Variants in KCNN4 observed in about 807,000 individuals in gnomAD.
The protein encoded by KCNN4 is potassium calcium-activated channel subfamily N member 4.
In KCNN4, 31 loss-of-function variants were observed where a neutral mutation model predicts 45.2. The ratio of observed to expected loss-of-function variants is 0.69; its 90% CI spans 0.52 to 0.92. The LOEUF (loss-of-function observed/expected upper bound fraction) is 0.92. Among genes scored for constraint, KCNN4 ranks in the 40% least tolerant of loss-of-function variants. KCNN4 has a pLI of 0.00. For synonymous variants in KCNN4, 231 were observed against 254.6 expected, an observed-to-expected ratio of 0.91 and a Z score of 0.88; for missense variants, 463 against 574.0, an observed-to-expected ratio of 0.81 and a Z score of 1.98.
intron 4 of KCNN4, among the ~76,000 whole-genome samples, chr19:43,771,599 G>A (rs944915384): frequency 1.3e-5 from 2 of 152,200 alleles, no homozygotes; most frequent in African/African-American, 4.8e-5. Flanking sequence ...GCGAAGTCAG[G>A]AGCCTGGGTC....
chr19:43,776,127 CAAAAAAAAAAAAA>C (rs59704354), intron 2 of KCNN4, among the ~76,000 whole-genome samples: 5 of 40,988 alleles, frequency 1.2e-4, no homozygotes, highest in East Asian at 1.0e-3. Context: ...GACCTTGTCT[CAAAAAAAAAAAAA>C]AAAAAAAAAA....
intron 2 of KCNN4, 70 bp downstream of exon 2, chr19:43,776,471 G>A: frequency 9.5e-7 from 1 of 1,048,250 alleles, no homozygotes; most frequent in South Asian, 1.3e-5. Context: ...GGAGGAGGGT[G>A]GAAAGTGTGA....
chr19:43,774,565 G>A lies in KCNN4; in HGVS notation c.310C>T (p.Gln104Ter), dbSNP rs756425565. The stretch of plus-strand genomic sequence containing the variant: ...AGCTCCAGCACGATCTGCGCCGCCT[G>A]CCGCCCGGTCAGCGCCACGCGCCAG... ...RDWRVALTGR[Q>*]AAQIVLELVV... Residue 104 changes from glutamine (Q) to a stop codon, truncating the protein, a stop_gained, in exon 3 of 9, where the codon CAG becomes TAG. Transcript: ENST00000648319. LOFTEE classifies it high-confidence loss of function. The surrounding 1 kb of genome is among the most constrained non-coding windows in gnomAD (Gnocchi z 5.6). The A allele has an allele frequency of 1.3e-6, 2 of 1,553,140 alleles. No individual in the cohort carries two copies.
chr19:43,769,646 G>T lies in KCNN4; in HGVS notation c.930+73C>A. Reference sequence around the variant, plus strand: ...CTAGGGCTGGGACTCTTGGGTCCTAGGGGAAGCAGGGGCGCCTGGACTCCT... The same window carrying T: ...CTAGGGCTGGGACTCTTGGGTCCTATGGGAAGCAGGGGCGCCTGGACTCCT... On this transcript the variant is annotated intron_variant, in intron 5 of 8. Coordinates refer to ENST00000648319, the MANE Select transcript of KCNN4 (RefSeq NM_002250.3). The surrounding 1 kb of genome is among the most constrained non-coding windows in gnomAD (Gnocchi z 4.4). The T allele has an allele frequency of 1.3e-6, 2 of 1,552,918 alleles. No homozygotes were observed.
rs757371451 is a variant in KCNN4 at position 43,767,579 on chromosome 19, C to T, written c.1248G>A (p.Pro416=). ...GCTGGCTGGGTTCTGGAAGCTGCCTCGGCCCCAGGGCAGTGCTAAGCAGCT... is the reference window on the plus strand; with the variant it reads ...GCTGGCTGGGTTCTGGAAGCTGCCTTGGCCCCAGGGCAGTGCTAAGCAGCT... The part of the protein sequence containing the change: ...LTELLSTALG[P]RQLPEPSQQS... Residue 416 remains proline, a synonymous_variant, in exon 8 of 9, where the codon CCG becomes CCA. Transcript: ENST00000648319. The T allele has an allele frequency of 9.3e-6, 15 of 1,613,936 alleles. No homozygotes were observed. The highest frequency in any genetic ancestry group is 3.3e-5 in the Admixed American group (2 of 59,994).
Position 43,767,718 on chromosome 19 carries a change from G to A in KCNN4, c.1120-11C>T, listed in dbSNP as rs751788732. 1 of 1,614,092 alleles carries A rather than the reference G, an allele frequency of 6.2e-7. No homozygotes were observed. Among genetic ancestry groups the A allele is most frequent in the Non-Finnish European group, 8.5e-7 (1 of 1,179,988 alleles). On this transcript the variant is annotated splice_polypyrimidine_tract_variant and intron_variant, in intron 7 of 8. Transcript: ENST00000648319. ...CAGGATCATGTGCATCTGGGTGGGA[G>A]GAGAGGATCAGAGGTGTCGGGGCTG...
chr19:43,769,158 G>T lies in KCNN4; in HGVS notation c.1050-126C>A. ...AACAAAGAAACAAAGTTGTCGAAGA[G>T]CTGAAAGAGTGGGAGGGGATGCACC... On this transcript the variant is annotated intron_variant, in intron 6 of 8. Transcript: ENST00000648319. The surrounding 1 kb of genome is among the most constrained non-coding windows in gnomAD (Gnocchi z 4.4). 2.7e-6 allele frequency: 3 copies of T among 1,101,246 alleles called. No homozygotes were observed. The highest frequency in any genetic ancestry group is 4.1e-6 in the Non-Finnish European group (3 of 731,266). The allele number at this position is 1,101,246 out of a possible 1,614,324, so 68.2% of individuals were successfully genotyped here. A position where few individuals can be genotyped will look rare whatever the true frequency, so the allele number is the denominator to read the frequency against.
intron 1 of KCNN4, among the ~76,000 whole-genome samples, chr19:43,780,082 T>C (rs1347221954): frequency 1.3e-5 from 2 of 151,892 alleles, no homozygotes; most frequent in South Asian, 2.1e-4. Context: ...TGGAAGAACT[T>C]TGTCTTTCCT....
At position 43,772,178 on chromosome 19, in the gene KCNN4, G is replaced by T; in HGVS notation, c.684-43C>A. ...TTAGTTCTAAAACCCCACCATAGAG[G>T]TTTCCATGATATTCACTCCCCTTCC... On this transcript the variant is annotated intron_variant, in intron 3 of 8. Transcript: ENST00000648319. This position sits in a 1 kb window ranked among gnomAD's most constrained non-coding sequence, Gnocchi z 4.4. 4 of 1,604,314 alleles carry T rather than the reference G, an allele frequency of 2.5e-6. No individual in the cohort carries two copies. Among genetic ancestry groups the T allele is most frequent in the Non-Finnish European group, 3.4e-6 (4 of 1,176,432 alleles).
Position 43,774,325 on chromosome 19 carries a change from C to A in KCNN4, c.550G>T (p.Ala184Ser). 6.2e-7 allele frequency: 1 copy of A among 1,611,464 alleles called. No individual in the cohort carries two copies. Among genetic ancestry groups the A allele is most frequent in the South Asian group, 1.1e-5 (1 of 90,632 alleles). Residue 184 changes from alanine (A) to serine (S), a missense_variant, in exon 3 of 9, where the codon GCT becomes TCT. Ala to Ser is a moderately conservative substitution (Grantham distance 99, BLOSUM62 1). This residue lies in a region of KCNN4 where 109 missense variants were observed against 183.7 expected (regional missense o/e 0.59). Transcript: ENST00000648319. The surrounding 1 kb of genome is among the most constrained non-coding windows in gnomAD (Gnocchi z 5.6). ...LLNASYRSIG[A>S]LNQVRFRHWF... is the part of the protein sequence containing the mutation. ...TGGCGGAAGCGGACTTGATTGAGAG[C>A]GCCGATGCTGCGGTAGGAAGCGTTG...
rs1969563241 is a variant in KCNN4, at chr19:43,769,173, G to A, written c.1050-141C>T. 1 of 945,056 alleles carries A rather than the reference G, an allele frequency of 1.1e-6. No individual in the cohort carries two copies. Among genetic ancestry groups the A allele is most frequent in the Admixed American group, 2.0e-5 (1 of 48,994 alleles). 58.5% of individuals were successfully genotyped at this position (945,056 alleles called of 1,614,324 possible). A position where few individuals can be genotyped will look rare whatever the true frequency, so the allele number is the denominator to read the frequency against. The stretch of plus-strand genomic sequence containing the variant: ...TTGTCGAAGAGCTGAAAGAGTGGGA[G>A]GGGATGCACCCTGCCTCCCCACGAG... On this transcript the variant is annotated intron_variant, in intron 6 of 8. Transcript: ENST00000648319. This position sits in a 1 kb window ranked among gnomAD's most constrained non-coding sequence, Gnocchi z 4.4.
Position 43,774,173 on chromosome 19 carries a change from A to ATGCC in KCNN4, c.683+15_683+18dup, listed in dbSNP as rs1297150294. Reference sequence around the variant, plus strand: ...GTCCGGGGTTCCCCCCTGCGCATTTATGCCTCCATCACCCTCACCTCTCGG... The same window carrying ATGCC: ...GTCCGGGGTTCCCCCCTGCGCATTTATGCCTGCCTCCATCACCCTCACCTCTCGG... On this transcript the variant is annotated intron_variant, in intron 3 of 8. Coordinates refer to ENST00000648319, the MANE Select transcript of KCNN4 (RefSeq NM_002250.3). This position sits in a 1 kb window ranked among gnomAD's most constrained non-coding sequence, Gnocchi z 5.6. 5 of 1,598,584 alleles carry ATGCC rather than the reference A, an allele frequency of 3.1e-6. No individual in the cohort carries two copies. The Admixed American group carries it at 8.4e-5, about 27-fold the overall frequency.
chr19:43,777,674 T>A (rs74325253), intron 1 of KCNN4, among the ~76,000 whole-genome samples: 1 of 105,424 alleles, frequency 9.5e-6, no homozygotes, highest in African/African-American at 3.2e-5. Context: ...AATTGTTCCT[T>A]TTTTTTTTTT....
chr19:43,767,493 A>T, intron 8 of KCNN4, 47 bp downstream of exon 8: 1 of 1,590,736 alleles, frequency 6.3e-7, no homozygotes, highest in Non-Finnish European at 8.6e-7. Flanking sequence ...TGGCCACAGG[A>T]ACCCTTCCTC....
At chr19:43,776,202 G>A in intron 2 of KCNN4, among the ~76,000 whole-genome samples, 1 of 151,718 alleles carries the variant, frequency 6.6e-6, no homozygotes, top group East Asian at 1.9e-4. Context: ...GACTGGATTG[G>A]GGATGCCATG....
Position 43,776,557 on chromosome 19 carries a change from T to C in KCNN4, c.239A>G (p.His80Arg). The C allele has an allele frequency of 6.2e-7, 1 of 1,613,168 alleles. No individual in the cohort carries two copies. The highest frequency in any genetic ancestry group is 8.5e-7 in the Non-Finnish European group (1 of 1,179,444). Reference sequence around the variant, plus strand: ...CTGCCCTACCTGGACCTCTTTGGCATGAAAGGCCACGATGAGGCAGAGGAG... The same window carrying C: ...CTGCCCTACCTGGACCTCTTTGGCACGAAAGGCCACGATGAGGCAGAGGAG... ...FLLLCLIVAF[H>R]AKEVQLFMTD... Residue 80 changes from histidine to arginine, a missense_variant, in exon 2 of 9, where the codon CAT becomes CGT. Around this residue, in one of 3 missense-constraint regions of KCNN4, gnomAD observed 225 missense variants for 240.9 expected, o/e 0.93. Transcript: ENST00000648319.
chr19:43,779,299 G>C (rs902019908), intron 1 of KCNN4, among the ~76,000 whole-genome samples: 6 of 152,166 alleles, frequency 3.9e-5, no homozygotes. Flanking sequence ...GTGCTTCGGC[G>C]TGGGAGCGGC....
intron 2 of KCNN4, 21 bp downstream of exon 2, chr19:43,776,520 T>C: frequency 6.4e-7 from 1 of 1,553,708 alleles, no homozygotes; most frequent in Non-Finnish European, 8.9e-7. Context: ...GAGCAAGGCT[T>C]AGGGGCGGGG....
In KCNN4 at chr19:43,769,365, G is replaced by T; in HGVS notation, c.1049+77C>A. 8.5e-7 allele frequency: 1 copy of T among 1,172,154 alleles called. No homozygotes were observed. Among genetic ancestry groups the T allele is most frequent in the Non-Finnish European group, 1.3e-6 (1 of 789,694 alleles). 72.6% of individuals were successfully genotyped at this position (1,172,154 alleles called of 1,614,324 possible). ...TCCTGACCTGGACAGGCATGGACAT[G>T]CACACACACAGCCGTGCAGAGAGGT... is the stretch of plus-strand genomic sequence containing the variant. On this transcript the variant is annotated intron_variant, in intron 6 of 8. Transcript: ENST00000648319. This position sits in a 1 kb window ranked among gnomAD's most constrained non-coding sequence, Gnocchi z 4.4.
Sources: allele counts gnomAD v4.1 joint callset (sites outside exome capture counted in the v4.1 genomes callset), GRCh38; gene constraint gnomAD v4.1.1; regional missense constraint gnomAD v4.1.1; non-coding constraint Gnocchi (gnomAD v3.1); transcripts MANE v1.5; gene names NCBI Gene and HGNC (gene_info 2026-07-23, HGNC 2026-07-21).